ZNF829: variants seen among roughly 807,000 people sequenced by gnomAD.
The protein encoded by ZNF829 is zinc finger protein 829.
A neutral mutation model predicts 35.2 loss-of-function variants in ZNF829; 25 were observed. That is an observed-to-expected ratio of 0.71 (90% CI 0.52 to 0.99). The LOEUF (loss-of-function observed/expected upper bound fraction) is 0.99, where lower values mean the gene tolerates loss of function less well. Ranked by LOEUF, ZNF829 falls within the 50% of genes least tolerant of loss-of-function variation. The pLI is 0.00. For synonymous variants in ZNF829, 136 were observed against 163.2 expected (o/e 0.83, Z 1.27); for missense variants, 417 against 515.3 (o/e 0.81, Z 1.85).
At chr19:36,897,143 TCA>T in intron 5 of ZNF829, among the ~76,000 whole-genome samples, 1 of 152,190 alleles carries the variant, frequency 6.6e-6, no homozygotes, top group East Asian at 1.9e-4. Context: ...ATAACTAACC[TCA>T]GTTTTTCTCA....
At chr19:36,898,246 TTTA>T (rs2022497417) in intron 5 of ZNF829, among the ~76,000 whole-genome samples, 1 of 152,128 alleles carries the variant, frequency 6.6e-6, no homozygotes, top group Non-Finnish European at 1.5e-5. Flanking sequence ...AACAATCCCA[TTTA>T]TTAATATAAT....
chr19:36,901,897 T>C, intron 5 of ZNF829: 1 of 762,558 alleles, frequency 1.3e-6, no homozygotes, highest in Admixed American at 1.7e-5. Context: ...TTCAGAAATT[T>C]GCCATGAAGG....
At chr19:36,892,693 C>T (rs1489587870) in intron 5 of ZNF829, 2 of 612,704 alleles carry the variant, frequency 3.3e-6, no homozygotes, top group Non-Finnish European at 5.4e-6. Flanking sequence ...CCTCTATGAT[C>T]CTCAAATTTT....
At chr19:36,896,545 C>T (rs1277227179) in intron 5 of ZNF829, among the ~76,000 whole-genome samples, 1 of 152,018 alleles carries the variant, frequency 6.6e-6, no homozygotes, top group Non-Finnish European at 1.5e-5. Context: ...TTGAACATCC[C>T]ACTCTCAGCA....
At chr19:36,904,180 A>G (rs2073195678) in intron 5 of ZNF829, among the ~76,000 whole-genome samples, 1 of 152,234 alleles carries the variant, frequency 6.6e-6, no homozygotes, top group Admixed American at 6.5e-5. Context: ...GGCAAGATAC[A>G]TACAGTGATT....
In ZNF829 at chr19:36,890,145, T is replaced by C. The variant is rs957916438; in HGVS notation, c.*1347A>G. 2.0e-5 allele frequency: 3 copies of C among 152,206 alleles called. No homozygotes were observed. Among genetic ancestry groups the C allele is most frequent in the African/African-American group, 7.2e-5 (3 of 41,452 alleles). The allele number at this position is 152,206 out of a possible 1,614,324, so 9.4% of individuals were successfully genotyped here. A position where few individuals can be genotyped will look rare whatever the true frequency, so the allele number is the denominator to read the frequency against. The stretch of plus-strand genomic sequence containing the variant: ...GAGAAGATGTTAGATATGATTTTGT[T>C]TTTTTAAAATTTATTGATACTTGCT... On this transcript the variant is annotated 3_prime_UTR_variant, in exon 6 of 6. Transcript: ENST00000391711.
At chr19:36,913,394 G>A (rs888010373) in intron 3 of ZNF829, among the ~76,000 whole-genome samples, 2 of 152,134 alleles carry the variant, frequency 1.3e-5, no homozygotes, top group Admixed American at 1.3e-4. Context: ...ATTACCTGGT[G>A]AATGGATAAC....
intron 5 of ZNF829, among the ~76,000 whole-genome samples, chr19:36,900,193 C>G (rs905774565): frequency 7.5e-6 from 1 of 133,340 alleles, no homozygotes; most frequent in Non-Finnish European, 1.6e-5. Flanking sequence ...CACACACACA[C>G]ACACAAATTT....
rs1367072899 is a variant in ZNF829 at position 36,888,463 on chromosome 19, C to T, written c.*3029G>A. 3 of 152,174 alleles carry T rather than the reference C, an allele frequency of 2.0e-5. No homozygotes were observed. The highest frequency in any genetic ancestry group is 4.8e-5 in the African/African-American group (2 of 41,444). The allele number at this position is 152,174 out of a possible 1,614,324, so 9.4% of individuals were successfully genotyped here. A position where few individuals can be genotyped will look rare whatever the true frequency, so the allele number is the denominator to read the frequency against. The stretch of plus-strand genomic sequence containing the variant: ...CCATTTTCTGTTCCCACCTACCACA[C>T]TAAATTCTTGTGATCTTTCTACTCT... On this transcript the variant is annotated 3_prime_UTR_variant, in exon 6 of 6. Coordinates refer to ENST00000391711, the MANE Select transcript of ZNF829 (RefSeq NM_001037232.4).
intron 5 of ZNF829, among the ~76,000 whole-genome samples, chr19:36,896,247 C>T (rs1265505523): frequency 6.6e-6 from 1 of 150,668 alleles, no homozygotes; most frequent in Non-Finnish European, 1.5e-5. Context: ...GGAGACGGAG[C>T]CTGAAGTGAG....
chr19:36,915,092 T>G, intron 2 of ZNF829, 38 bp downstream of exon 2: 3 of 1,614,102 alleles, frequency 1.9e-6, no homozygotes, highest in Non-Finnish European at 2.5e-6. Context: ...GTACCCAGAT[T>G]AGTCAAGTAA....
Position 36,915,169 on chromosome 19 carries a change from C to T in ZNF829, c.-2G>A. 6.2e-7 allele frequency: 1 copy of T among 1,614,136 alleles called. No individual in the cohort carries two copies. Among genetic ancestry groups the T allele is most frequent in the Non-Finnish European group, 8.5e-7 (1 of 1,180,022 alleles). On this transcript the variant is annotated 5_prime_UTR_variant, in exon 2 of 6. Transcript: ENST00000391711. ...GGAGATCAGAGGAGAATGGGGCATT[C>T]TGTCCAATTCCAGTGGCTCAGGGGA...
chr19:36,896,633 C>T (rs913202443), intron 5 of ZNF829, among the ~76,000 whole-genome samples: 2 of 152,210 alleles, frequency 1.3e-5, no homozygotes, highest in Non-Finnish European at 2.9e-5. Flanking sequence ...CTACCAGACA[C>T]TAACTGAACA....
At chr19:36,893,837 T>C (rs1038557393) in intron 5 of ZNF829, among the ~76,000 whole-genome samples, 1 of 152,208 alleles carries the variant, frequency 6.6e-6, no homozygotes, top group African/African-American at 2.4e-5. Flanking sequence ...TTCCCCAGTA[T>C]GTTCTAGCAC....
In ZNF829 at chr19:36,907,878, A is replaced by C. The variant is rs781331816; in HGVS notation, c.319+51T>G. ...AAAGGGAGCTTCCTGATAACATCTC[A>C]GAAGTATATCTCTTTATAGCCCTGC... is the stretch of plus-strand genomic sequence containing the variant. On this transcript the variant is annotated intron_variant, in intron 5 of 5. Coordinates refer to ENST00000391711, the MANE Select transcript of ZNF829 (RefSeq NM_001037232.4). 9.4e-6 allele frequency: 14 copies of C among 1,493,780 alleles called. No individual in the cohort carries two copies. The African/African-American group carries it at 9.8e-5, about 10-fold the overall frequency. 92.5% of individuals were successfully genotyped at this position (1,493,780 alleles called of 1,614,324 possible).
chr19:36,894,853 G>A (rs1445360245), intron 5 of ZNF829, among the ~76,000 whole-genome samples: 2 of 152,192 alleles, frequency 1.3e-5, no homozygotes, highest in Non-Finnish European at 1.5e-5. Context: ...TCTAGGAGAA[G>A]AGATGGGCAA....
At position 36,891,858 on chromosome 19, in the gene ZNF829, A is replaced by G; in HGVS notation, c.933T>C (p.Leu311=). The G allele has an allele frequency of 6.2e-7, 1 of 1,614,106 alleles. No individual in the cohort carries two copies. The highest frequency in any genetic ancestry group is 2.2e-5 in the East Asian group (1 of 44,868). The change falls in exon 6 of 6, where the codon CTT becomes CTC. Residue 311 remains leucine, a synonymous_variant. Coordinates refer to ENST00000391711, the MANE Select transcript of ZNF829 (RefSeq NM_001037232.4). ...CAGTATGCATTCTCTGATGCTGAAT[A>G]AGCCTTGAGTGTTGAGTAAAGGCTT... is the stretch of plus-strand genomic sequence containing the variant. ...CGKAFTQHSR[L]IQHQRMHTGE...
In ZNF829 at chr19:36,892,012, C is replaced by T. The variant is rs543853566; in HGVS notation, c.779G>A (p.Arg260Lys). 6.2e-7 allele frequency: 1 copy of T among 1,613,800 alleles called. No homozygotes were observed. The highest frequency in any genetic ancestry group is 8.5e-7 in the Non-Finnish European group (1 of 1,179,832). The stretch of plus-strand genomic sequence containing the variant: ...ATAGGGTTTCTCACCAGTGTGAATT[C>T]TCTGATGATCATTAAGGTTTGAGCA... ...KYCSNLNDHQ[R>K]IHTGEKPYEC... is the part of the protein sequence containing the mutation. The change falls in exon 6 of 6, where the codon AGA (arginine) becomes AAA (lysine). Residue 260 changes from arginine (R) to lysine (K), a missense_variant. Arg to Lys is a conservative substitution (Grantham distance 26). Transcript: ENST00000391711.
chr19:36,894,155 C>G (rs530052553), intron 5 of ZNF829, among the ~76,000 whole-genome samples: 1 of 152,242 alleles, frequency 6.6e-6, no homozygotes, highest in Non-Finnish European at 1.5e-5. Flanking sequence ...AACAACCAAG[C>G]CCTAAGCCAC....
Sources: allele counts gnomAD v4.1 joint callset (sites outside exome capture counted in the v4.1 genomes callset), GRCh38; gene constraint gnomAD v4.1.1; transcripts MANE v1.5; gene names NCBI Gene and HGNC (gene_info 2026-07-23, HGNC 2026-07-21).